TESC: variants seen among roughly 807,000 people sequenced by gnomAD.
The protein encoded by TESC is calcineurin B homologous protein 3.
TESC carries 19 observed loss-of-function variants against 31.0 expected under a neutral mutation model. The ratio of observed to expected loss-of-function variants is 0.61; its 90% confidence interval spans 0.43 to 0.90. The LOEUF (loss-of-function observed/expected upper bound fraction) is 0.90, where lower values mean the gene tolerates loss of function less well. Among genes scored for constraint, TESC ranks in the 40% least tolerant of loss-of-function variants. The pLI is 0.00. For synonymous variants in TESC, 109 were observed against 114.8 expected (o/e 0.95, Z 0.32); for missense variants, 248 against 303.8 (o/e 0.82, Z 1.36).
chr12:117,066,383 T>C (rs933088836), intron 2 of TESC, among the ~76,000 whole-genome samples: 1 of 149,456 alleles, frequency 6.7e-6, no homozygotes, highest in Non-Finnish European at 1.5e-5. Flanking sequence ...ATTTTTTTTT[T>C]TTTTTTGAGA....
intron 1 of TESC, among the ~76,000 whole-genome samples, chr12:117,096,541 G>C (rs1593031581): frequency 6.6e-6 from 1 of 152,050 alleles, no homozygotes; most frequent in East Asian, 1.9e-4. Context: ...TCTCAGCTAT[G>C]GCTCGGAGCG....
intron 1 of TESC, among the ~76,000 whole-genome samples, chr12:117,083,731 C>A (rs1213405294): frequency 2.0e-5 from 3 of 152,100 alleles, no homozygotes; most frequent in Non-Finnish European, 4.4e-5. Context: ...TTGCCAGGGG[C>A]TGGAGGGTGT....
intron 1 of TESC, chr12:117,098,590 C>G (rs1955426124): frequency 6.6e-6 from 1 of 152,286 alleles, no homozygotes; most frequent in Admixed American, 6.5e-5. Flanking sequence ...GGGCGCGCAG[C>G]CTTTGCTGGT....
At chr12:117,089,125 A>G (rs2135801436) in intron 1 of TESC, among the ~76,000 whole-genome samples, 1 of 152,294 alleles carries the variant, frequency 6.6e-6, no homozygotes, top group Admixed American at 6.5e-5. Flanking sequence ...TGCTAGGGAG[A>G]CGGCAGGGGA....
At chr12:117,081,595 C>T (rs189843358) in intron 1 of TESC, among the ~76,000 whole-genome samples, 2 of 152,190 alleles carry the variant, frequency 1.3e-5, no homozygotes, top group Admixed American at 1.3e-4. Context: ...ATCAAGGTTG[C>T]CTGTTTAGAA....
chr12:117,094,175 T>G (rs1306551333), intron 1 of TESC, among the ~76,000 whole-genome samples: 1 of 152,192 alleles, frequency 6.6e-6, no homozygotes, highest in Non-Finnish European at 1.5e-5. Flanking sequence ...GATGTGAGCC[T>G]TCTTGGCTCA....
chr12:117,075,125 G>C, intron 2 of TESC, 146 bp downstream of exon 2: 2 of 794,242 alleles, frequency 2.5e-6, no homozygotes. Context: ...CAGCCTGGGC[G>C]ACGGAGCGAG....
intron 2 of TESC, among the ~76,000 whole-genome samples, chr12:117,073,720 T>C (rs1955010086): frequency 6.6e-6 from 1 of 152,186 alleles, no homozygotes; most frequent in Non-Finnish European, 1.5e-5. Flanking sequence ...TGGTAGAAAT[T>C]TGTTCAACTT....
chr12:117,056,458 C>T (rs138450924), intron 3 of TESC, among the ~76,000 whole-genome samples: 2,609 of 144,660 alleles, frequency 0.018, 41 homozygotes, highest in Non-Finnish European at 0.026. Context: ...ACTGCAGCCT[C>T]GAACTTCTGG....
At chr12:117,046,389 T>G in intron 6 of TESC, 170 bp downstream of exon 6, 1 of 658,832 alleles carries the variant, frequency 1.5e-6, no homozygotes, top group Non-Finnish European at 2.5e-6. Context: ...ACTTGGACCT[T>G]CAGTCTCCTG....
chr12:117,043,659 T>C (rs1954517209), intron 6 of TESC, among the ~76,000 whole-genome samples: 1 of 152,090 alleles, frequency 6.6e-6, no homozygotes, highest in Non-Finnish European at 1.5e-5. Flanking sequence ...GAGACAGGGG[T>C]TTCACCATGT....
intron 1 of TESC, among the ~76,000 whole-genome samples, chr12:117,084,971 T>A (rs541257919): frequency 2.0e-5 from 3 of 152,328 alleles, no homozygotes; most frequent in African/African-American, 4.8e-5. Context: ...GGAAAGCAGA[T>A]GCAAAAAGCG....
chr12:117,041,929 C>A lies in TESC; in HGVS notation c.567+18G>T. The stretch of plus-strand genomic sequence containing the variant: ...GTCTTCAAGGGTCCCCCGAGGCTCC[C>A]ACGCCCAGGCCACCCACCTTCAGGA... On this transcript the variant is annotated intron_variant, in intron 7 of 7. Transcript: ENST00000335209. 6.3e-7 allele frequency: 1 copy of A among 1,579,012 alleles called. No homozygotes were observed.
At chr12:117,069,706 G>A (rs1373898896) in intron 2 of TESC, among the ~76,000 whole-genome samples, 2 of 152,154 alleles carry the variant, frequency 1.3e-5, no homozygotes, top group Non-Finnish European at 2.9e-5. Flanking sequence ...AGAAACGGTG[G>A]CTTAAAAACA....
chr12:117,069,053 G>A (rs1238335757), intron 2 of TESC, among the ~76,000 whole-genome samples: 1 of 151,548 alleles, frequency 6.6e-6, no homozygotes, highest in Non-Finnish European at 1.5e-5. Flanking sequence ...AGAGCCCCCC[G>A]AATGGTAGGT....
At chr12:117,075,853 A>ATATATATATGTGTG (rs1955047347) in intron 1 of TESC, among the ~76,000 whole-genome samples, 5 of 46,432 alleles carry the variant, frequency 1.1e-4, no homozygotes, top group Non-Finnish European at 1.2e-4. Flanking sequence ...GTGTGTATAT[A>ATATATATATGTGTG]TATATATATA....
intron 1 of TESC, among the ~76,000 whole-genome samples, chr12:117,092,685 A>G (rs1955329483): frequency 6.6e-6 from 1 of 152,168 alleles, no homozygotes; most frequent in Non-Finnish European, 1.5e-5. Flanking sequence ...CCACTGTCTG[A>G]GGAGGGAGCC....
At position 117,049,163 on chromosome 12, in the gene TESC, G is replaced by C; in HGVS notation, c.210-5C>G. 1 of 1,614,158 alleles carries C rather than the reference G, an allele frequency of 6.2e-7. No individual in the cohort carries two copies. Among genetic ancestry groups the C allele is most frequent in the Non-Finnish European group, 8.5e-7 (1 of 1,180,016 alleles). ...CTGGGTCCCTTGCGCAGGTTCCTAC[G>C]GGAGCAACAAGGAGGGTGTTGGAAA... On this transcript the variant is annotated splice_region_variant and splice_polypyrimidine_tract_variant and intron_variant, in intron 3 of 7. Transcript: ENST00000335209.
chr12:117,050,918 C>T (rs1260962711), intron 3 of TESC, among the ~76,000 whole-genome samples: 2 of 152,212 alleles, frequency 1.3e-5, no homozygotes, highest in Non-Finnish European at 2.9e-5. Flanking sequence ...AAGTAAGACC[C>T]TGTCTCAAAC....
Sources: allele counts gnomAD v4.1 joint callset (sites outside exome capture counted in the v4.1 genomes callset), GRCh38; gene constraint gnomAD v4.1.1; transcripts MANE v1.5; gene names NCBI Gene and HGNC (gene_info 2026-07-23, HGNC 2026-07-21).